ME3: variants seen among roughly 807,000 people sequenced by gnomAD.
The protein encoded by ME3 is NADP-dependent malic enzyme, mitochondrial.
A neutral mutation model predicts 68.9 loss-of-function variants in ME3; 48 were observed. The observed-to-expected ratio is 0.70, with a 90% CI of 0.55 to 0.89. The LOEUF (loss-of-function observed/expected upper bound fraction) is 0.89, where lower values mean the gene tolerates loss of function less well. ME3 is among the 40% of genes least tolerant of loss of function. The probability of loss-of-function intolerance (pLI) is 0.00; values close to 1 mark genes in which losing one functional copy is unlikely to be tolerated. For missense variants in ME3, 675 were observed against 797.4 expected (o/e 0.85, Z 1.85); for synonymous variants, 320 against 318.8 (o/e 1.00, Z -0.04).
intron 2 of ME3, among the ~76,000 whole-genome samples, chr11:86,671,235 AG>A (rs1426767213): frequency 2.0e-5 from 3 of 152,212 alleles, no homozygotes; most frequent in Non-Finnish European, 4.4e-5. Flanking sequence ...CTATAAGTCT[AG>A]ACTTTTCCAT....
At chr11:86,440,947 T>C (rs558819828), downstream of ME3, among the ~76,000 whole-genome samples, 5 of 152,190 alleles carry the variant, frequency 3.3e-5, no homozygotes, top group Non-Finnish European at 7.3e-5. Flanking sequence ...AAATGAATTG[T>C]GTCCAATCTC....
chr11:86,607,101 T>G (rs1961778697), intron 2 of ME3, among the ~76,000 whole-genome samples: 1 of 152,202 alleles, frequency 6.6e-6, no homozygotes, highest in Non-Finnish European at 1.5e-5. Flanking sequence ...AGGCTTATTT[T>G]CATAGCTGAG....
downstream of ME3, among the ~76,000 whole-genome samples, chr11:86,438,178 T>C (rs2138565467): frequency 2.0e-5 from 3 of 152,352 alleles, no homozygotes; most frequent in South Asian, 6.2e-4. Flanking sequence ...TTAGGGTTTT[T>C]TCATAAATGG....
At chr11:86,611,546 A>G (rs1195401468) in intron 2 of ME3, among the ~76,000 whole-genome samples, 16 of 143,862 alleles carry the variant, frequency 1.1e-4, no homozygotes, top group African/African-American at 2.8e-4. Context: ...ATATCAAATC[A>G]TCACATTGTA....
At chr11:86,658,130 C>CT (rs1555039456) in intron 2 of ME3, among the ~76,000 whole-genome samples, 3 of 34,618 alleles carry the variant, frequency 8.7e-5, no homozygotes, top group Non-Finnish European at 1.8e-4. Context: ...ACCTTCTTCA[C>CT]AATTTTTTTT....
At chr11:86,533,300 G>T (rs1162286527) in intron 4 of ME3, among the ~76,000 whole-genome samples, 1 of 151,970 alleles carries the variant, frequency 6.6e-6, no homozygotes, top group African/African-American at 2.4e-5. Context: ...AATCAGAAAT[G>T]AAAGAGAAGA....
intron 2 of ME3, among the ~76,000 whole-genome samples, chr11:86,631,259 G>A (rs191061141): frequency 6.6e-6 from 1 of 152,350 alleles, no homozygotes; most frequent in African/African-American, 2.4e-5. Context: ...CAATTCTGAA[G>A]CCCAGTGGTC....
At chr11:86,562,641 T>C (rs1454564191) in intron 2 of ME3, among the ~76,000 whole-genome samples, 1 of 152,184 alleles carries the variant, frequency 6.6e-6, no homozygotes, top group African/African-American at 2.4e-5. Context: ...TATTGACATA[T>C]AATGTTGAGT....
intron 4 of ME3, among the ~76,000 whole-genome samples, chr11:86,526,293 A>C (rs991127933): frequency 6.6e-6 from 1 of 152,200 alleles, no homozygotes; most frequent in Non-Finnish European, 1.5e-5. Context: ...TCTGAGATCA[A>C]ACTGCAAGGT....
chr11:86,463,696 CTA>C (rs1316367172), intron 8 of ME3, among the ~76,000 whole-genome samples: 7 of 152,322 alleles, frequency 4.6e-5, no homozygotes, highest in African/African-American at 1.7e-4. Flanking sequence ...TCTAACTGTG[CTA>C]TCTTGCCTCT....
At chr11:86,551,284 T>C (rs1311995063) in intron 4 of ME3, among the ~76,000 whole-genome samples, 4 of 152,140 alleles carry the variant, frequency 2.6e-5, no homozygotes, top group Non-Finnish European at 5.9e-5. Flanking sequence ...TGATCCGAGC[T>C]TGGAGCTGTG....
intron 14 of ME3, among the ~76,000 whole-genome samples, chr11:86,441,651 G>A (rs572060482): frequency 6.6e-6 from 1 of 152,264 alleles, no homozygotes; most frequent in African/African-American, 2.4e-5. Flanking sequence ...TACTGAGCCA[G>A]GGTCAAGAGG....
intron 7 of ME3, among the ~76,000 whole-genome samples, chr11:86,479,444 T>C (rs1349492853): frequency 1.3e-5 from 2 of 152,226 alleles, no homozygotes; most frequent in Admixed American, 6.5e-5. Flanking sequence ...AAATAATAGA[T>C]GTAGCCAGCA....
chr11:86,586,362 G>A (rs1958734488), intron 2 of ME3, among the ~76,000 whole-genome samples: 1 of 152,190 alleles, frequency 6.6e-6, no homozygotes, highest in South Asian at 2.1e-4. Flanking sequence ...GGTCCGAGGG[G>A]ACAGCTGACC....
intron 7 of ME3, among the ~76,000 whole-genome samples, chr11:86,468,429 T>C (rs78471653): frequency 0.012 from 1,856 of 152,236 alleles, 47 homozygotes; most frequent in African/African-American, 0.042. Flanking sequence ...CATCCATCCA[T>C]CCTTGATTTA....
At chr11:86,535,446 A>G (rs541290870) in intron 4 of ME3, among the ~76,000 whole-genome samples, 1 of 152,306 alleles carries the variant, frequency 6.6e-6, no homozygotes, top group Admixed American at 6.5e-5. Flanking sequence ...AGAACCAAGG[A>G]TTCTGGAAGT....
chr11:86,557,575 T>C (rs1370055547), intron 3 of ME3, among the ~76,000 whole-genome samples: 1 of 152,202 alleles, frequency 6.6e-6, no homozygotes, highest in African/African-American at 2.4e-5. Flanking sequence ...CTCTGCTGTT[T>C]ATTAGCTGTG....
intron 4 of ME3, among the ~76,000 whole-genome samples, chr11:86,510,853 C>A (rs981710501): frequency 5.3e-5 from 8 of 152,218 alleles, no homozygotes; most frequent in African/African-American, 1.9e-4. Context: ...ATGTACCAAA[C>A]CAAATTTATC....
At position 86,563,749 on chromosome 11, in the gene ME3, A is replaced by C. The variant is rs1369021042; in HGVS notation, c.184-3926T>G. On this transcript the variant is annotated intron_variant, in intron 2 of 14. Transcript: ENST00000543262. ...GTCTTTGTCAACCTTGTTGATGATC[A>C]GATGGTTATAGGTGTGTGGCTTTAT... Among the ~76,000 whole-genome samples, 18 of 152,306 alleles carry C rather than the reference A, an allele frequency of 1.2e-4. No homozygotes were observed. The East Asian group carries it at 3.5e-3, about 29-fold the overall frequency.
Sources: gnomAD v4.1 joint callset for allele counts (sites outside exome capture counted in the v4.1 genomes callset) on GRCh38, gnomAD v4.1.1 for gene constraint, MANE v1.5 for transcripts, NCBI Gene and HGNC (gene_info 2026-07-23, HGNC 2026-07-21) for gene names.